GLRA2: variants seen among roughly 807,000 people sequenced by gnomAD.
GLRA2 encodes the protein glycine receptor alpha 2.
Under a neutral mutation model 31.6 loss-of-function variants are expected in GLRA2, and 11 were observed. That is an observed-to-expected ratio of 0.35 (90% CI 0.22 to 0.58). The LOEUF (loss-of-function observed/expected upper bound fraction) is 0.58, where lower values mean the gene tolerates loss of function less well. Among genes scored for constraint, GLRA2 ranks in the 20% least tolerant of loss-of-function variants. The probability of loss-of-function intolerance (pLI) is 0.84; values close to 1 mark genes in which losing one functional copy is unlikely to be tolerated. For synonymous variants in GLRA2, 132 were observed against 134.0 expected (o/e 0.99, Z 0.10); for missense variants, 212 against 351.8 (o/e 0.60, Z 3.18).
the GLRA2 span, among the ~76,000 whole-genome samples, chrX:14,508,478 G>T: frequency 8.9e-6 from 1 of 111,910 alleles, no homozygotes; most frequent in Non-Finnish European, 1.9e-5. Context: ...CAGACTTCAA[G>T]GCATTGGCAC....
intron 8 of GLRA2, among the ~76,000 whole-genome samples, chrX:14,711,300 C>T (rs1401165947): frequency 8.9e-6 from 1 of 112,441 alleles, no homozygotes; most frequent in Non-Finnish European, 1.9e-5. Flanking sequence ...AATCCTACCC[C>T]TTTTTCTATC....
At chrX:14,687,369 T>A (rs1264887854) in intron 7 of GLRA2, among the ~76,000 whole-genome samples, 5 of 112,133 alleles carry the variant, frequency 4.5e-5, no homozygotes, top group Non-Finnish European at 9.4e-5. Flanking sequence ...AGGTTGGGGA[T>A]GTTTTCCTGG....
the GLRA2 span, among the ~76,000 whole-genome samples, chrX:14,473,236 A>G: frequency 9.0e-6 from 1 of 111,604 alleles, no homozygotes; most frequent in Non-Finnish European, 1.9e-5. Flanking sequence ...GAAAAAATTC[A>G]TATTACATAT....
At chrX:14,728,228 A>G (rs1285431256) in intron 8 of GLRA2, among the ~76,000 whole-genome samples, 1 of 110,097 alleles carries the variant, frequency 9.1e-6, no homozygotes, top group Non-Finnish European at 1.9e-5. Flanking sequence ...GTCTCTACAA[A>G]AAGTTAAACA....
the GLRA2 span, among the ~76,000 whole-genome samples, chrX:14,519,717 A>T: frequency 2.7e-5 from 3 of 111,860 alleles, no homozygotes; most frequent in Non-Finnish European, 5.6e-5. Context: ...CAGTAAGCTG[A>T]TCTCCCTAGA....
At chrX:14,711,006 G>C (rs1235448101) in intron 8 of GLRA2, among the ~76,000 whole-genome samples, 1 of 112,342 alleles carries the variant, frequency 8.9e-6, no homozygotes, top group Non-Finnish European at 1.9e-5. Context: ...TCCTCATATA[G>C]AGTTGAATTC....
At chrX:14,603,237 T>C (rs2090297824) in intron 4 of GLRA2, among the ~76,000 whole-genome samples, 1 of 111,471 alleles carries the variant, frequency 9.0e-6, no homozygotes, top group Non-Finnish European at 1.9e-5. Flanking sequence ...TTGAGAATTG[T>C]CTATTCATGT....
intron 2 of GLRA2, among the ~76,000 whole-genome samples, chrX:14,547,642 C>G (rs1350888565): frequency 9.0e-6 from 1 of 111,569 alleles, no homozygotes; most frequent in African/African-American, 3.3e-5. Context: ...GTTCCAGCCT[C>G]GATGCCCCAT....
intron 4 of GLRA2, among the ~76,000 whole-genome samples, chrX:14,594,409 A>G (rs1208707079): frequency 9.0e-6 from 1 of 111,651 alleles, no homozygotes; most frequent in African/African-American, 3.2e-5. Context: ...CATTATTTCA[A>G]TGTGCAGGCT....
At chrX:14,453,735 G>C in the GLRA2 span, among the ~76,000 whole-genome samples, 2 of 112,010 alleles carry the variant, frequency 1.8e-5, no homozygotes, top group African/African-American at 6.5e-5. Context: ...AAAAGCCTGT[G>C]CACAAATATT....
chrX:14,627,340 G>T (rs1420835602), intron 7 of GLRA2, among the ~76,000 whole-genome samples: 1 of 110,957 alleles, frequency 9.0e-6, no homozygotes, highest in African/African-American at 3.3e-5. Context: ...ATTGGTCTTA[G>T]ATAAGTAAAT....
intron 4 of GLRA2, among the ~76,000 whole-genome samples, chrX:14,587,151 G>A (rs951510697): frequency 7.1e-5 from 8 of 112,104 alleles, no homozygotes; most frequent in African/African-American, 1.3e-4. Flanking sequence ...TTATGGCTGC[G>A]TAGTATTCTA....
At chrX:14,483,300 A>C in the GLRA2 span, among the ~76,000 whole-genome samples, 14 of 111,824 alleles carry the variant, frequency 1.3e-4, no homozygotes, top group Non-Finnish European at 2.4e-4. Flanking sequence ...GCAGAAACTG[A>C]GATGCAGATT....
At chrX:14,520,066 CA>C in the GLRA2 span, among the ~76,000 whole-genome samples, 1 of 112,016 alleles carries the variant, frequency 8.9e-6, no homozygotes, top group African/African-American at 3.2e-5. Flanking sequence ...TCAAATAATT[CA>C]CTCTTTCCAA....
chrX:14,678,249 C>T (rs1267564310), intron 7 of GLRA2, among the ~76,000 whole-genome samples: 6 of 112,202 alleles, frequency 5.3e-5, no homozygotes, highest in Non-Finnish European at 7.5e-5. Context: ...ACATGCTGTG[C>T]GAGGCCTTGA....
intron 2 of GLRA2, among the ~76,000 whole-genome samples, chrX:14,572,965 C>T (rs766448936): frequency 2.7e-5 from 3 of 111,780 alleles, no homozygotes; most frequent in African/African-American, 9.7e-5. Flanking sequence ...CTTGTACTTT[C>T]ATTAGGAAAA....
intron 4 of GLRA2, among the ~76,000 whole-genome samples, chrX:14,598,048 C>T (rs1476317714): frequency 9.0e-6 from 1 of 111,232 alleles, no homozygotes; most frequent in East Asian, 2.8e-4. Context: ...ACCATAGGTT[C>T]CAGCCCCCAG....
intron 8 of GLRA2, among the ~76,000 whole-genome samples, chrX:14,719,182 G>A (rs138019365): frequency 6.5e-4 from 72 of 111,474 alleles, no homozygotes; most frequent in African/African-American, 2.3e-3. Flanking sequence ...TTATTTTCTG[G>A]GTAAGGGGAA....
chrX:14,672,200 C>T (rs2091100703), intron 7 of GLRA2, among the ~76,000 whole-genome samples: 1 of 112,332 alleles, frequency 8.9e-6, no homozygotes, highest in Admixed American at 9.4e-5. Flanking sequence ...CTCTCTAACA[C>T]AGCCTTGCTG....
Sources: gnomAD v4.1 joint callset for allele counts (sites outside exome capture counted in the v4.1 genomes callset) on GRCh38, gnomAD v4.1.1 for gene constraint, MANE v1.5 for transcripts, NCBI Gene and HGNC (gene_info 2026-07-23, HGNC 2026-07-21) for gene names.